POGZ: variants seen among roughly 807,000 people sequenced by gnomAD.
POGZ encodes the protein pogo transposable element derived with ZNF domain.
POGZ carries 17 observed loss-of-function variants against 134.6 expected under a neutral mutation model. That is an observed-to-expected ratio of 0.13 (90% CI 0.09 to 0.19). The LOEUF (loss-of-function observed/expected upper bound fraction) is 0.19. Among genes scored for constraint, POGZ ranks in the 10% least tolerant of loss-of-function variants. The probability of loss-of-function intolerance (pLI) is 1.00; values close to 1 mark genes in which losing one functional copy is unlikely to be tolerated. For synonymous variants in POGZ, 693 were observed against 657.1 expected (o/e 1.05, Z -0.84); for missense variants, 1,306 against 1,769.7 (o/e 0.74, Z 4.70).
chr1:151,424,103 C>T lies in POGZ; in HGVS notation c.1369G>A (p.Val457Met), dbSNP rs781003337. ...PTKVPEPNEN[V>M]GDAVQTKLIM... is the part of the protein sequence containing the mutation. The stretch of plus-strand genomic sequence containing the variant: ...AGTTTGGTCTGGACGGCATCGCCCA[C>T]GTTCTCATTTGGTTCTGGTACTTTG... The change falls in exon 9 of 19, where the codon GTG becomes ATG. Residue 457 changes from valine (V) to methionine (M), a missense_variant. By Grantham distance (21) the Val-to-Met change is conservative (BLOSUM62 1). Around this residue, in one of 10 missense-constraint regions of POGZ, gnomAD observed 541 missense variants for 680.5 expected, o/e 0.80. Transcript: ENST00000271715. The T allele has an allele frequency of 8.9e-5, 143 of 1,614,012 alleles. No individual in the cohort carries two copies. Among genetic ancestry groups the T allele is most frequent in the Non-Finnish European group, 1.0e-4 (123 of 1,180,030 alleles).
At chr1:151,415,522 T>C (rs1655472591) in intron 10 of POGZ, among the ~76,000 whole-genome samples, 1 of 151,586 alleles carries the variant, frequency 6.6e-6, no homozygotes, top group Non-Finnish European at 1.5e-5. Flanking sequence ...TGCAAAAAAA[T>C]TAGCCGGGCG....
chr1:151,431,365 T>C (rs1042694049), intron 3 of POGZ, among the ~76,000 whole-genome samples: 14 of 152,228 alleles, frequency 9.2e-5, no homozygotes, highest in African/African-American at 3.4e-4. Context: ...TAAGTCTTTT[T>C]CCATATTTTA....
intron 5 of POGZ, 30 bp downstream of exon 5, chr1:151,429,573 T>C: frequency 8.6e-7 from 1 of 1,161,162 alleles, no homozygotes; most frequent in Non-Finnish European, 1.3e-6. Context: ...GATGCCAGTT[T>C]ATTCCAAATG....
At chr1:151,414,134 A>C (rs986299359) in intron 10 of POGZ, among the ~76,000 whole-genome samples, 1 of 152,238 alleles carries the variant, frequency 6.6e-6, no homozygotes, top group Non-Finnish European at 1.5e-5. Context: ...TAAAAGCTGA[A>C]TTGTCAAAGA....
chr1:151,406,352 C>A lies in POGZ; in HGVS notation c.2683G>T (p.Ala895Ser). Residue 895 changes from alanine to serine, a missense_variant, in exon 19 of 19, where the codon GCT becomes TCT. Around this residue, in one of 10 missense-constraint regions of POGZ, gnomAD observed 214 missense variants for 255.5 expected, o/e 0.84. Coordinates refer to ENST00000271715, the MANE Select transcript of POGZ (RefSeq NM_015100.4). ...GGAGTTAGTAGCTCTTCAGGCTCAG[C>A]TGGGGTGGCCCCCGCAGATTTCACA... The part of the protein sequence containing the change: ...ATVKSAGATP[A>S]EPEELLTPLA... The A allele has an allele frequency of 6.3e-7, 1 of 1,599,970 alleles. No homozygotes were observed. The highest frequency in any genetic ancestry group is 8.5e-7 in the Non-Finnish European group (1 of 1,173,314).
chr1:151,424,893 C>T (rs1462734121), intron 8 of POGZ, 62 bp downstream of exon 8: 1 of 830,886 alleles, frequency 1.2e-6, no homozygotes, highest in Non-Finnish European at 2.0e-6. Context: ...TACAAGCTTC[C>T]AATATTAATG....
At chr1:151,420,010 C>T (rs2102249179) in intron 10 of POGZ, among the ~76,000 whole-genome samples, 1 of 152,198 alleles carries the variant, frequency 6.6e-6, no homozygotes, top group East Asian at 1.9e-4. Flanking sequence ...CAGCAAGACC[C>T]TGTCTCTACC....
chr1:151,404,019 A>T lies in POGZ; in HGVS notation c.*783T>A, dbSNP rs1454149970. 1.0e-6 allele frequency: 1 copy of T among 985,294 alleles called. No individual in the cohort carries two copies. Among genetic ancestry groups the T allele is most frequent in the Non-Finnish European group, 1.2e-6 (1 of 829,892 alleles). The allele number at this position is 985,294 out of a possible 1,614,324, so 61.0% of individuals were successfully genotyped here. On this transcript the variant is annotated 3_prime_UTR_variant, in exon 19 of 19. Transcript: ENST00000271715. ...AATGGGGAAAGGGGCCAAGGATCAC[A>T]AGTGCAAAAAATATTGTTTATGTCA...
chr1:151,451,224 A>AT (rs986414415), intron 1 of POGZ, among the ~76,000 whole-genome samples: 6 of 150,526 alleles, frequency 4.0e-5, no homozygotes, highest in African/African-American at 9.7e-5. Context: ...TGTCTATGGC[A>AT]TTTTTTTGCA....
At chr1:151,448,104 C>T (rs753037924) in intron 1 of POGZ, among the ~76,000 whole-genome samples, 1 of 152,096 alleles carries the variant, frequency 6.6e-6, no homozygotes, top group Non-Finnish European at 1.5e-5. Flanking sequence ...TATTAGCTAT[C>T]TTCAACTTTG....
At chr1:151,417,719 CACACACACACAA>C (rs1254538094) in intron 10 of POGZ, among the ~76,000 whole-genome samples, 130 of 145,044 alleles carry the variant, frequency 9.0e-4, no homozygotes, top group African/African-American at 3.6e-3. Flanking sequence ...CACACACACA[CACACACACACAA>C]AAGGCCTTAT....
intron 10 of POGZ, among the ~76,000 whole-genome samples, chr1:151,415,276 G>T (rs1210612094): frequency 2.0e-5 from 3 of 152,062 alleles, no homozygotes; most frequent in Admixed American, 2.0e-4. Context: ...ACTAACACAA[G>T]ATTTTTTGAA....
chr1:151,455,232 T>G (rs1015491227), intron 1 of POGZ: 1 of 152,222 alleles, frequency 6.6e-6, no homozygotes, highest in African/African-American at 2.4e-5. Flanking sequence ...CTAGGATTTG[T>G]AATCAACCAG....
Position 151,408,516 on chromosome 1 carries a change from G to C in POGZ, c.2127C>G (p.Pro709=), listed in dbSNP as rs1457015362. The C allele has an allele frequency of 6.3e-7, 1 of 1,597,836 alleles. No individual in the cohort carries two copies. The highest frequency in any genetic ancestry group is 8.5e-7 in the Non-Finnish European group (1 of 1,176,052). The change falls in exon 14 of 19, where the codon CCC becomes CCG. Residue 709 remains proline, a synonymous_variant. Coordinates refer to ENST00000271715, the MANE Select transcript of POGZ (RefSeq NM_015100.4). ...GCGGTGCTGCCTCCTGCAAGGCGCT[G>C]GGAGGTGTATCATTAGAGGATACAG... ...TVPVSSNDTP[P]SALQEAAPLT... is the part of the protein sequence containing the mutation.
intron 1 of POGZ, among the ~76,000 whole-genome samples, chr1:151,447,642 ATTTTTTTTT>A (rs35308281): frequency 4.5e-4 from 24 of 52,988 alleles, no homozygotes; most frequent in African/African-American, 1.2e-3. Context: ...TGTCTGGCTA[ATTTTTTTTT>A]TTTTTTTTTT....
At chr1:151,414,176 G>A (rs942459237) in intron 10 of POGZ, among the ~76,000 whole-genome samples, 1 of 152,202 alleles carries the variant, frequency 6.6e-6, no homozygotes, top group Admixed American at 6.5e-5. Flanking sequence ...AGAGGACCAA[G>A]AGAAAAGCAG....
chr1:151,428,925 G>A (rs920504693), intron 5 of POGZ, among the ~76,000 whole-genome samples: 3 of 152,106 alleles, frequency 2.0e-5, no homozygotes, highest in African/African-American at 7.2e-5. Flanking sequence ...AGAAATGCCA[G>A]GGTAAGCTGG....
intron 8 of POGZ, 127 bp from the exon 9 acceptor site, chr1:151,424,413 GT>G (rs1000329617): frequency 6.9e-5 from 42 of 605,508 alleles, no homozygotes; most frequent in Non-Finnish European, 9.5e-5. Context: ...TCACCCTTCA[GT>G]TTTTTTTAGC....
Position 151,430,806 on chromosome 1 carries a change from G to C in POGZ, c.319C>G (p.Leu107Val), listed in dbSNP as rs998675361. ...NPLVQQGGQP[L>V]ILTQNPAPGL... is the part of the protein sequence containing the mutation. The stretch of plus-strand genomic sequence containing the variant: ...GGGGCTGGATTCTGGGTCAGGATGA[G>C]TGGCTGTCCACCTTGCTGGACCAAA... Residue 107 changes from leucine to valine, a missense_variant, in exon 4 of 19, where the codon CTC becomes GTC. Transcript: ENST00000271715. 6.3e-7 allele frequency: 1 copy of C among 1,588,270 alleles called. No homozygotes were observed. The highest frequency in any genetic ancestry group is 8.5e-7 in the Non-Finnish European group (1 of 1,170,356).
Sources: allele counts gnomAD v4.1 joint callset (sites outside exome capture counted in the v4.1 genomes callset), GRCh38; gene constraint gnomAD v4.1.1; regional missense constraint gnomAD v4.1.1; transcripts MANE v1.5; gene names NCBI Gene and HGNC (gene_info 2026-07-23, HGNC 2026-07-21).